Variants in CACNA1E observed in about 807,000 individuals in gnomAD.
CACNA1E encodes the protein voltage-dependent R-type calcium channel subunit alpha-1E.
In CACNA1E, 40 loss-of-function variants were observed where a neutral mutation model predicts 259.2. The observed-to-expected ratio is 0.15, with a 90% CI of 0.12 to 0.20. CACNA1E has a LOEUF of 0.20. Among genes scored for constraint, CACNA1E ranks in the 10% least tolerant of loss-of-function variants. CACNA1E has a pLI of 1.00. For synonymous variants in CACNA1E, 1,104 were observed against 1,138.5 expected, an observed-to-expected ratio of 0.97 and a Z score of 0.61; for missense variants, 1,874 against 3,040.1, an observed-to-expected ratio of 0.62 and a Z score of 9.02.
At chr1:181,498,341 T>C (rs1472543658) in intron 1 of CACNA1E, among the ~76,000 whole-genome samples, 1 of 152,230 alleles carries the variant, frequency 6.6e-6, no homozygotes, top group Non-Finnish European at 1.5e-5. Context: ...CAGGCCACCA[T>C]TGTGAAGATT....
At chr1:181,787,658 A>T (rs1660959580) in intron 43 of CACNA1E, among the ~76,000 whole-genome samples, 1 of 152,216 alleles carries the variant, frequency 6.6e-6, no homozygotes, top group African/African-American at 2.4e-5. Context: ...AGAAGAAATT[A>T]CAAGAGCAAT....
intron 1 of CACNA1E, among the ~76,000 whole-genome samples, chr1:181,409,640 G>C (rs570287909): frequency 1.2e-4 from 18 of 152,302 alleles, no homozygotes; most frequent in Non-Finnish European, 2.1e-4. Flanking sequence ...TCCTTTCCTA[G>C]AAGATATAGA....
intron 35 of CACNA1E, among the ~76,000 whole-genome samples, chr1:181,770,246 A>G (rs896187864): frequency 6.6e-6 from 1 of 152,228 alleles, no homozygotes; most frequent in Non-Finnish European, 1.5e-5. Context: ...TAACCCAGTA[A>G]GTCCGCGATT....
At chr1:181,442,231 G>A (rs915325414) in intron 2 of CACNA1E, among the ~76,000 whole-genome samples, 4 of 151,536 alleles carry the variant, frequency 2.6e-5, no homozygotes, top group Non-Finnish European at 5.9e-5. Context: ...GGGGGCATAA[G>A]TATGAGGGAC....
At position 181,776,106 on chromosome 1, in the gene CACNA1E, C is replaced by T; in HGVS notation, c.5145C>T (p.Leu1715=). ...TTCTTCCCCTTGCCCTTCAGATGCT[C>T]AACCTGTTTGTGGCCGTCATCATGG... The part of the protein sequence containing the change: ...SFIFFCSFLM[L]NLFVAVIMDN... The change falls in exon 38 of 48, where the codon CTC becomes CTT. Residue 1715 remains leucine (L), a synonymous_variant. Coordinates refer to ENST00000367573, the MANE Select transcript of CACNA1E (RefSeq NM_001205293.3). The surrounding 1 kb of genome is among the most constrained non-coding windows in gnomAD (Gnocchi z 4.4). The T allele has an allele frequency of 1.9e-6, 3 of 1,613,232 alleles. No individual in the cohort carries two copies. The highest frequency in any genetic ancestry group is 2.5e-6 in the Non-Finnish European group (3 of 1,179,388).
chr1:181,646,972 C>T (rs896918743), intron 6 of CACNA1E, among the ~76,000 whole-genome samples: 1 of 150,590 alleles, frequency 6.6e-6, no homozygotes, highest in East Asian at 2.0e-4. Flanking sequence ...TCACCCTCGT[C>T]GTGCACACGT....
chr1:181,798,377 T>C lies in CACNA1E; in HGVS notation c.6485T>C (p.Val2162Ala). 1 of 1,612,788 alleles carries C rather than the reference T, an allele frequency of 6.2e-7. No homozygotes were observed. Among genetic ancestry groups the C allele is most frequent in the Non-Finnish European group, 8.5e-7 (1 of 1,179,822 alleles). ...AGAAGTCGTCGGCAGCTCCCACCCG[T>C]CCCGCCAAAGCCCCGGCCCCTCCTT... is the stretch of plus-strand genomic sequence containing the variant. Reference protein sequence around the residue: ...PRRSRRQLPPVPPKPRPLLSY... With the variant: ...PRRSRRQLPPAPPKPRPLLSY... The change falls in exon 48 of 48, where the codon GTC becomes GCC. Residue 2162 changes from valine (V) to alanine (A), a missense_variant. Val to Ala is a moderately conservative substitution (Grantham distance 64). Coordinates refer to ENST00000367573, the MANE Select transcript of CACNA1E (RefSeq NM_001205293.3). The surrounding 1 kb of genome is among the most constrained non-coding windows in gnomAD (Gnocchi z 4.2).
At chr1:181,663,998 G>A (rs1202106587) in intron 7 of CACNA1E, among the ~76,000 whole-genome samples, 2 of 152,208 alleles carry the variant, frequency 1.3e-5, no homozygotes, top group East Asian at 3.8e-4. Flanking sequence ...AAATAAGGCT[G>A]TTGGAAGCAG....
At chr1:181,560,417 A>G (rs1649207061) in intron 3 of CACNA1E, among the ~76,000 whole-genome samples, 1 of 152,078 alleles carries the variant, frequency 6.6e-6, no homozygotes, top group Non-Finnish European at 1.5e-5. Context: ...TGTATTTTAC[A>G]CTGTTGAATT....
At chr1:181,674,634 G>T (rs901670679) in intron 7 of CACNA1E, among the ~76,000 whole-genome samples, 14 of 152,108 alleles carry the variant, frequency 9.2e-5, no homozygotes, top group African/African-American at 2.9e-4. Flanking sequence ...CATGTTTTCT[G>T]GGCCAGTTAT....
chr1:181,718,115 G>A lies in CACNA1E; in HGVS notation c.1586G>A (p.Gly529Asp). The change falls in exon 12 of 48, where the codon GGC becomes GAC. Residue 529 changes from glycine (G) to aspartate (D), a missense_variant. By Grantham distance (94) the Gly-to-Asp change is moderately conservative. This residue lies in a region of CACNA1E where 102 missense variants were observed against 279.4 expected (regional missense o/e 0.37). Coordinates refer to ENST00000367573, the MANE Select transcript of CACNA1E (RefSeq NM_001205293.3). ...TTGGAGATGTCCCTGAAGATGTATGGCATGGGGCCTCGCCTTTATTTTCAC... is the reference window on the plus strand; with the variant it reads ...TTGGAGATGTCCCTGAAGATGTATGACATGGGGCCTCGCCTTTATTTTCAC... ...FLLEMSLKMY[G>D]MGPRLYFHSS... The A allele has an allele frequency of 6.2e-7, 1 of 1,611,806 alleles. No individual in the cohort carries two copies. The highest frequency in any genetic ancestry group is 8.5e-7 in the Non-Finnish European group (1 of 1,178,022).
chr1:181,726,037 G>A, intron 17 of CACNA1E, 28 bp from the exon 18 acceptor site: 1 of 1,549,258 alleles, frequency 6.5e-7, no homozygotes, highest in Non-Finnish European at 8.9e-7. Context: ...GGGGATCCCA[G>A]GCAAAGCCAT....
Position 181,551,224 on chromosome 1 carries a change from C to T in CACNA1E, c.513-26542C>T, listed in dbSNP as rs1383022519. On this transcript the variant is annotated intron_variant, in intron 3 of 47. Coordinates refer to ENST00000367573, the MANE Select transcript of CACNA1E (RefSeq NM_001205293.3). ...GGGAAGGACAAGGTAAACTCTCCCT[C>T]TCTGGTCCTCCCACCTGCATCCCCT... Among the ~76,000 whole-genome samples, 4 of 152,204 alleles carry T rather than the reference C, an allele frequency of 2.6e-5. No individual in the cohort carries two copies. The South Asian group carries it at 8.3e-4, about 32-fold the overall frequency.
At chr1:181,388,864 C>A (rs1235427318) in intron 1 of CACNA1E, among the ~76,000 whole-genome samples, 1 of 151,268 alleles carries the variant, frequency 6.6e-6, no homozygotes, top group Non-Finnish European at 1.5e-5. Flanking sequence ...GCACTCCAGC[C>A]TGGGCAACAA....
chr1:181,587,402 AT>A (rs1480134980), intron 6 of CACNA1E, among the ~76,000 whole-genome samples: 2 of 152,134 alleles, frequency 1.3e-5, no homozygotes, highest in Admixed American at 1.3e-4. Flanking sequence ...CAGCCACTGA[AT>A]ATGGGAAGTA....
At chr1:181,481,606 G>A (rs372637242), upstream of CACNA1E, among the ~76,000 whole-genome samples, 13 of 152,178 alleles carry the variant, frequency 8.5e-5, no homozygotes, top group East Asian at 5.8e-4. Context: ...CCCTTCCATT[G>A]TTCGGGTTGG....
chr1:181,779,193 C>T (rs781430275), intron 38 of CACNA1E, among the ~76,000 whole-genome samples: 1 of 152,208 alleles, frequency 6.6e-6, no homozygotes, highest in Non-Finnish European at 1.5e-5. Flanking sequence ...ATGGGGTGCT[C>T]TTGGTCATTA....
At chr1:181,771,579 C>T in intron 36 of CACNA1E, 195 bp downstream of exon 36, 1 of 564,062 alleles carries the variant, frequency 1.8e-6, no homozygotes, top group African/African-American at 1.9e-5. Context: ...TACAGCCATA[C>T]CACCATGAAT....
At chr1:181,711,256 C>G (rs1251685318) in intron 8 of CACNA1E, among the ~76,000 whole-genome samples, 187 bp downstream of exon 8, 1 of 152,226 alleles carries the variant, frequency 6.6e-6, no homozygotes, top group South Asian at 2.1e-4. Flanking sequence ...ACTGTCCTGT[C>G]TATCAAACTG....
Sources: gnomAD v4.1 joint callset for allele counts (sites outside exome capture counted in the v4.1 genomes callset) on GRCh38, gnomAD v4.1.1 for gene constraint, gnomAD v4.1.1 regional missense constraint, Gnocchi (gnomAD v3.1) non-coding constraint, MANE v1.5 for transcripts, NCBI Gene and HGNC (gene_info 2026-07-23, HGNC 2026-07-21) for gene names.